SH3BGRL2: variants seen among roughly 807,000 people sequenced by gnomAD.
SH3BGRL2 encodes the protein SH3 domain-binding glutamic acid-rich-like protein 2.
SH3BGRL2 carries 21 observed loss-of-function variants against 14.8 expected under a neutral mutation model. That is an observed-to-expected ratio of 1.42 (90% CI 1.01 to 2.05). The LOEUF is 2.05. Ranked by LOEUF, SH3BGRL2 falls within the 30% of genes most tolerant of loss-of-function variation. The pLI is 0.00. For missense variants in SH3BGRL2, 147 were observed against 130.8 expected (o/e 1.12, Z -0.61); for synonymous variants, 50 against 47.8 (o/e 1.05, Z -0.19).
chr6:79,554,540 T>C, the SH3BGRL2 span, among the ~76,000 whole-genome samples: 9 of 152,354 alleles, frequency 5.9e-5, no homozygotes, highest in East Asian at 1.7e-3. Flanking sequence ...AAATTTGTAA[T>C]TCAAATGTAC....
the SH3BGRL2 span, among the ~76,000 whole-genome samples, chr6:79,563,052 T>C: frequency 6.6e-6 from 1 of 152,126 alleles, no homozygotes; most frequent in Non-Finnish European, 1.5e-5. Context: ...GCCTCCCGAG[T>C]TCACGCCATT....
Position 79,645,276 on chromosome 6 carries a change from C to T in SH3BGRL2, c.45+13770C>T, listed in dbSNP as rs556534084. On this transcript the variant is annotated intron_variant, in intron 1 of 3. Transcript: ENST00000369838. ...TCACAATCTGGTTGCAAGTCTGAAA[C>T]ACCCTCTTTCGAGTTAATATACCAT... Among the ~76,000 whole-genome samples the T allele has an allele frequency of 2.6e-5, 4 of 151,764 alleles. No individual in the cohort carries two copies. In the South Asian group the frequency reaches 8.3e-4, roughly 32 times the overall value.
chr6:79,645,154 C>CAA (rs68143148), intron 1 of SH3BGRL2, among the ~76,000 whole-genome samples: 37,580 of 119,682 alleles, frequency 0.31, 5,672 homozygotes, highest in Middle Eastern at 0.47. Context: ...GAGTCCGTCT[C>CAA]AAAAAAAAAA....
At chr6:79,595,926 C>T in the SH3BGRL2 span, among the ~76,000 whole-genome samples, 107 of 152,200 alleles carry the variant, frequency 7.0e-4, 3 homozygotes, top group East Asian at 0.018. Flanking sequence ...GAAAATCCTA[C>T]GGATTCCACT....
intron 1 of SH3BGRL2, among the ~76,000 whole-genome samples, chr6:79,642,183 G>A (rs188581341): frequency 6.6e-6 from 1 of 152,248 alleles, no homozygotes; most frequent in Admixed American, 6.5e-5. Flanking sequence ...GTGGACAGTT[G>A]CATCTGTACT....
At chr6:79,660,600 C>G (rs567687501) in intron 1 of SH3BGRL2, among the ~76,000 whole-genome samples, 24 of 152,042 alleles carry the variant, frequency 1.6e-4, no homozygotes, top group Non-Finnish European at 3.2e-4. Context: ...CTAAAATTCT[C>G]TTTTTTGGTT....
intron 2 of SH3BGRL2, among the ~76,000 whole-genome samples, chr6:79,691,882 G>T (rs1770225087): frequency 6.6e-6 from 1 of 151,584 alleles, no homozygotes; most frequent in Non-Finnish European, 1.5e-5. Flanking sequence ...GTAATGGGAT[G>T]GCTGGGTCAA....
chr6:79,666,658 G>A (rs757170066), intron 1 of SH3BGRL2, among the ~76,000 whole-genome samples: 25 of 152,024 alleles, frequency 1.6e-4, no homozygotes, highest in Non-Finnish European at 3.1e-4. Flanking sequence ...ATCAACTTAG[G>A]GCCTTCTACC....
At chr6:79,539,960 T>G in the SH3BGRL2 span, among the ~76,000 whole-genome samples, 1 of 152,218 alleles carries the variant, frequency 6.6e-6, no homozygotes. Flanking sequence ...ATGTGATACA[T>G]AACAAAAATT....
chr6:79,634,039 C>T (rs974388492), intron 1 of SH3BGRL2, among the ~76,000 whole-genome samples: 1 of 152,162 alleles, frequency 6.6e-6, no homozygotes, highest in Non-Finnish European at 1.5e-5. Flanking sequence ...ATTCTTGAGT[C>T]AGTTTGGTTT....
chr6:79,567,019 T>C, the SH3BGRL2 span, among the ~76,000 whole-genome samples: 1 of 152,196 alleles, frequency 6.6e-6, no homozygotes, highest in African/African-American at 2.4e-5. Context: ...GCTGGGAAGC[T>C]GGGATAAAAT....
At chr6:79,681,915 G>A (rs940473400) in intron 2 of SH3BGRL2, among the ~76,000 whole-genome samples, 10 of 151,548 alleles carry the variant, frequency 6.6e-5, no homozygotes, top group African/African-American at 2.4e-4. Context: ...TCGCCCCGCT[G>A]CACTCCAGCC....
chr6:79,674,388 G>A (rs768602639), intron 2 of SH3BGRL2, among the ~76,000 whole-genome samples: 4 of 152,028 alleles, frequency 2.6e-5, no homozygotes, highest in Admixed American at 6.6e-5. Context: ...TGTAGCATAC[G>A]AGAAGATGAA....
In SH3BGRL2 at chr6:79,691,394, G is replaced by A. The variant is rs202214507; in HGVS notation, c.232-5091G>A. 8.6e-5 allele frequency among the ~76,000 whole-genome samples: 13 copies of A among 151,056 alleles called. No individual in the cohort carries two copies. The East Asian group carries it at 2.3e-3, about 27-fold the overall frequency. On this transcript the variant is annotated intron_variant, in intron 2 of 3. Transcript: ENST00000369838. ...TTATACTTTAAGTTTTAGGGTACATGTGCACAATGTGCAGGTTTGTTACAT... is the reference window on the plus strand; with the variant it reads ...TTATACTTTAAGTTTTAGGGTACATATGCACAATGTGCAGGTTTGTTACAT...
chr6:79,559,242 T>C, the SH3BGRL2 span, among the ~76,000 whole-genome samples: 1 of 152,112 alleles, frequency 6.6e-6, no homozygotes, highest in Non-Finnish European at 1.5e-5. Flanking sequence ...GGTGGATGGA[T>C]TGCTTAAATC....
chr6:79,696,678 G>A (rs907915781), intron 3 of SH3BGRL2, 113 bp downstream of exon 3: 2 of 729,958 alleles, frequency 2.7e-6, no homozygotes, highest in Non-Finnish European at 4.2e-6. Flanking sequence ...AGATTTGGGG[G>A]TTTTGCTTCC....
the SH3BGRL2 span, among the ~76,000 whole-genome samples, chr6:79,577,698 T>A: frequency 2.6e-5 from 4 of 152,356 alleles, no homozygotes; most frequent in East Asian, 7.7e-4. Flanking sequence ...CAGCTCCCAG[T>A]GTGATCAATG....
chr6:79,646,950 T>C (rs757568149), intron 1 of SH3BGRL2, among the ~76,000 whole-genome samples: 1 of 152,250 alleles, frequency 6.6e-6, no homozygotes, highest in African/African-American at 2.4e-5. Flanking sequence ...TTGATGGATA[T>C]TTGGGTTGCT....
chr6:79,655,203 G>A (rs920102619), intron 1 of SH3BGRL2, among the ~76,000 whole-genome samples: 1 of 152,120 alleles, frequency 6.6e-6, no homozygotes, highest in Non-Finnish European at 1.5e-5. Flanking sequence ...GAGCATATGA[G>A]TTAGCTAGGT....
Sources: allele counts gnomAD v4.1 joint callset (sites outside exome capture counted in the v4.1 genomes callset), GRCh38; gene constraint gnomAD v4.1.1; transcripts MANE v1.5; gene names NCBI Gene and HGNC (gene_info 2026-07-23, HGNC 2026-07-21).